SCML4: variants seen among roughly 807,000 people sequenced by gnomAD.
The protein encoded by SCML4 is sex comb on midleg-like protein 4.
SCML4 carries 34 observed loss-of-function variants against 41.1 expected under a neutral mutation model. The ratio of observed to expected loss-of-function variants is 0.83; its 90% CI spans 0.63 to 1.10. The LOEUF is 1.10. SCML4 is among the 50% of genes least tolerant of loss of function. SCML4 has a pLI of 0.00. For synonymous variants in SCML4, 214 were observed against 220.9 expected, an observed-to-expected ratio of 0.97 and a Z score of 0.28; for missense variants, 522 against 534.1, an observed-to-expected ratio of 0.98 and a Z score of 0.22.
chr6:107,783,720 G>A (rs1387429227), intron 1 of SCML4, among the ~76,000 whole-genome samples: 2 of 151,544 alleles, frequency 1.3e-5, no homozygotes, highest in Admixed American at 6.6e-5. Flanking sequence ...GTCTGAGTTT[G>A]CCTGATGGCA....
In SCML4 at chr6:107,746,707, C is replaced by T. The variant is rs1235544244; in HGVS notation, c.469G>A (p.Gly157Ser). 2.5e-6 allele frequency: 4 copies of T among 1,614,136 alleles called. No individual in the cohort carries two copies. The highest frequency in any genetic ancestry group is 1.7e-5 in the Admixed American group (1 of 60,020). ...GCCTTACCTGACACCATCTCACCAC[C>T]ATAGCCCTGCTTGACCAGGGAGAAG... The part of the protein sequence containing the change: ...LVFSLVKQGY[G>S]GEMVSVSASF... The change falls in exon 4 of 8, where the codon GGT becomes AGT. Residue 157 changes from glycine to serine, a missense_variant. Gly to Ser is a moderately conservative substitution (Grantham distance 56, BLOSUM62 0). Transcript: ENST00000369020.
intron 1 of SCML4, among the ~76,000 whole-genome samples, chr6:107,814,886 G>A (rs528458461): frequency 8.9e-4 from 136 of 152,220 alleles, no homozygotes; most frequent in African/African-American, 3.1e-3. Flanking sequence ...CCATATATGT[G>A]ATAAAAACCT....
At chr6:107,807,150 A>G (rs531372247) in intron 1 of SCML4, among the ~76,000 whole-genome samples, 30 of 149,170 alleles carry the variant, frequency 2.0e-4, no homozygotes, top group South Asian at 4.2e-4. Context: ...TTATTGTTGC[A>G]TTGTATTTAA....
chr6:107,831,642 C>T, the SCML4 span, among the ~76,000 whole-genome samples: 3 of 152,128 alleles, frequency 2.0e-5, no homozygotes, highest in Admixed American at 6.6e-5. Context: ...ATGAAGGGTG[C>T]AGTGAGTGGC....
intron 1 of SCML4, among the ~76,000 whole-genome samples, chr6:107,786,141 C>A (rs1347531604): frequency 1.3e-5 from 2 of 152,186 alleles, no homozygotes; most frequent in Admixed American, 1.3e-4. Flanking sequence ...AACTGACCTG[C>A]TTCTAATCTG....
chr6:107,733,561 A>C (rs907775765), intron 5 of SCML4, among the ~76,000 whole-genome samples: 6 of 152,192 alleles, frequency 3.9e-5, no homozygotes, highest in South Asian at 2.1e-4. Flanking sequence ...GTTCTCAAGC[A>C]TGGACAACAG....
rs1350273543 is a variant in SCML4 at position 107,707,968 on chromosome 6, C to T, written c.1017G>A (p.Arg339=). 1 of 1,551,612 alleles carries T rather than the reference C, an allele frequency of 6.4e-7. No homozygotes were observed. Among genetic ancestry groups the T allele is most frequent in the Non-Finnish European group, 8.7e-7 (1 of 1,147,010 alleles). ...SQDAQDARRP[R]SRNPSAWTVE... ...CAGTCCAGGCGGAGGGGTTCCTGCT[C>T]CGTGGCCGCCTGGCATCCTGCGCAT... Residue 339 remains arginine, a synonymous_variant, in exon 7 of 8, where the codon CGG becomes CGA. Coordinates refer to ENST00000369020, the MANE Select transcript of SCML4 (RefSeq NM_198081.5).
In SCML4 at chr6:107,719,156, T is replaced by A. The variant is rs901630871; in HGVS notation, c.973+1547A>T. The A allele has an allele frequency of 3.3e-5, 5 of 152,278 alleles. No individual in the cohort carries two copies. The East Asian group carries it at 9.6e-4, about 29-fold the overall frequency. The allele number at this position is 152,278 out of a possible 1,614,324, so 9.4% of individuals were successfully genotyped here. A position where few individuals can be genotyped will look rare whatever the true frequency, so the allele number is the denominator to read the frequency against. On this transcript the variant is annotated intron_variant, in intron 6 of 7. Coordinates refer to ENST00000369020, the MANE Select transcript of SCML4 (RefSeq NM_198081.5). ...TTTGGAAAATAGGGCTCTGCTCACT[T>A]AATCTGCCTGGCTCATGGCCCTGTG... is the stretch of plus-strand genomic sequence containing the variant.
At chr6:107,826,074 T>A (rs924255321), upstream of SCML4, among the ~76,000 whole-genome samples, 3 of 150,478 alleles carry the variant, frequency 2.0e-5, no homozygotes, top group African/African-American at 7.3e-5. Flanking sequence ...TGAAACCCCA[T>A]CTCTACTAAA....
chr6:107,784,538 T>C (rs1056200209), intron 1 of SCML4, among the ~76,000 whole-genome samples: 1 of 152,238 alleles, frequency 6.6e-6, no homozygotes, highest in African/African-American at 2.4e-5. Context: ...TTTACAATAG[T>C]AGCAATTGTC....
chr6:107,765,212 G>C (rs549041839), intron 2 of SCML4, among the ~76,000 whole-genome samples: 8 of 152,310 alleles, frequency 5.3e-5, no homozygotes, highest in African/African-American at 1.9e-4. Context: ...AAACTGGTGA[G>C]GGGGTCAAGT....
At chr6:107,717,568 GAC>G (rs1431745087) in intron 6 of SCML4, among the ~76,000 whole-genome samples, 2 of 152,112 alleles carry the variant, frequency 1.3e-5, no homozygotes. Flanking sequence ...TATTTTTTGA[GAC>G]AGAGTCTAGC....
intron 1 of SCML4, among the ~76,000 whole-genome samples, chr6:107,813,399 TATATATATATATATATATATATATAA>T (rs1173532653): frequency 0.044 from 2,438 of 55,116 alleles, 167 homozygotes; most frequent in African/African-American, 0.046. Flanking sequence ...TATATATATA[TATATATATATATATATATATATATAA>T]AACTGTAAAA....
intron 2 of SCML4, chr6:107,755,649 T>C (rs748322813): frequency 1.5e-6 from 2 of 1,323,584 alleles, no homozygotes; most frequent in Admixed American, 2.4e-5. Context: ...TTTGTCTTTG[T>C]TGTTGCCTTA....
chr6:107,726,695 A>G (rs1196930126), intron 5 of SCML4, among the ~76,000 whole-genome samples: 1 of 152,188 alleles, frequency 6.6e-6, no homozygotes, highest in Admixed American at 6.5e-5. Flanking sequence ...TCAAATCAAA[A>G]CCACAATGAG....
chr6:107,823,840 TAA>T (rs2114322103), intron 1 of SCML4, among the ~76,000 whole-genome samples: 1 of 152,314 alleles, frequency 6.6e-6, no homozygotes, highest in African/African-American at 2.4e-5. Flanking sequence ...AATGCAGAGT[TAA>T]AGAGTAATGA....
rs148584159 is a variant in SCML4, at chr6:107,768,604, C to T, written c.156+3568G>A. On this transcript the variant is annotated intron_variant, in intron 2 of 7. Coordinates refer to ENST00000369020, the MANE Select transcript of SCML4 (RefSeq NM_198081.5). ...GCGGAGGGCTGCTGCCTCCTGTGGG[C>T]TTGGTTCATTCATGCCTAAGTCCTG... 1.8e-4 allele frequency among the ~76,000 whole-genome samples: 28 copies of T among 152,268 alleles called. No homozygotes were observed. The East Asian group carries it at 4.6e-3, about 25-fold the overall frequency.
chr6:107,813,370 T>TATA (rs1491431161), intron 1 of SCML4, among the ~76,000 whole-genome samples: 1 of 42,470 alleles, frequency 2.4e-5, no homozygotes, highest in African/African-American at 1.4e-4. Context: ...CTCAAAAAAA[T>TATA]TATATATATA....
the SCML4 span, among the ~76,000 whole-genome samples, chr6:107,843,675 T>C: frequency 1.3e-5 from 2 of 152,104 alleles, no homozygotes; most frequent in African/African-American, 4.8e-5. Flanking sequence ...AGAGTTGGGA[T>C]TGTAGAAGAG....
Sources: allele counts gnomAD v4.1 joint callset (sites outside exome capture counted in the v4.1 genomes callset), GRCh38; gene constraint gnomAD v4.1.1; transcripts MANE v1.5; gene names NCBI Gene and HGNC (gene_info 2026-07-23, HGNC 2026-07-21).